PLEKHG1: variants seen among roughly 807,000 people sequenced by gnomAD.
PLEKHG1 encodes the protein pleckstrin homology and RhoGEF domain containing G1, also known as pleckstrin homology domain-containing family G member 1.
Under a neutral mutation model 100.8 loss-of-function variants are expected in PLEKHG1, and 44 were observed. The observed-to-expected ratio is 0.44, with a 90% CI of 0.34 to 0.56. PLEKHG1 has a LOEUF of 0.56. Ranked by LOEUF, PLEKHG1 falls within the 20% of genes least tolerant of loss-of-function variation. The probability of loss-of-function intolerance (pLI) is 0.01; values close to 1 mark genes in which losing one functional copy is unlikely to be tolerated. For missense variants in PLEKHG1, 1,545 were observed against 1,720.9 expected (o/e 0.90, Z 1.81); for synonymous variants, 640 against 662.5 (o/e 0.97, Z 0.52).
At chr6:150,655,394 A>G (rs1778922830) in intron 3 of PLEKHG1, among the ~76,000 whole-genome samples, 1 of 152,168 alleles carries the variant, frequency 6.6e-6, no homozygotes, top group Non-Finnish European at 1.5e-5. Flanking sequence ...AATGCCCATC[A>G]GTGATAGACT....
intron 2 of PLEKHG1, among the ~76,000 whole-genome samples, chr6:150,765,905 GCAAA>G (rs900067913): frequency 3.9e-5 from 6 of 152,160 alleles, no homozygotes; most frequent in African/African-American, 7.2e-5. Flanking sequence ...TAGATCAGCA[GCAAA>G]CAGTTTGCAA....
chr6:150,731,207 G>C (rs1562469080), intron 1 of PLEKHG1, among the ~76,000 whole-genome samples: 1 of 152,174 alleles, frequency 6.6e-6, no homozygotes, highest in Non-Finnish European at 1.5e-5. Context: ...AGTTGGATCA[G>C]GCTTTCTAGG....
At chr6:150,664,395 G>A (rs1398526488) in intron 3 of PLEKHG1, 1 of 152,210 alleles carries the variant, frequency 6.6e-6, no homozygotes, top group Non-Finnish European at 1.5e-5. Context: ...ATGACTATGT[G>A]TAGAAGAAAC....
intron 2 of PLEKHG1, among the ~76,000 whole-genome samples, chr6:150,734,527 A>T (rs1398309215): frequency 6.6e-6 from 1 of 152,186 alleles, no homozygotes; most frequent in Non-Finnish European, 1.5e-5. Flanking sequence ...CTGAGACGTG[A>T]ATCTCATACT....
chr6:150,770,986 C>T (rs1012348977), intron 3 of PLEKHG1, among the ~76,000 whole-genome samples: 3 of 152,154 alleles, frequency 2.0e-5, no homozygotes, highest in Admixed American at 6.5e-5. Context: ...GACTCCAAAC[C>T]CCAGGCATTC....
chr6:150,693,306 CA>C (rs753912876), intron 3 of PLEKHG1, among the ~76,000 whole-genome samples: 3 of 152,020 alleles, frequency 2.0e-5, no homozygotes, highest in Non-Finnish European at 4.4e-5. Flanking sequence ...AACAAACAAA[CA>C]AACAAAAAAC....
At chr6:150,721,486 G>A (rs1395839337) in intron 1 of PLEKHG1, among the ~76,000 whole-genome samples, 1 of 152,200 alleles carries the variant, frequency 6.6e-6, no homozygotes, top group Non-Finnish European at 1.5e-5. Context: ...TCCTTAAAGT[G>A]AGGTTGAAAT....
chr6:150,644,334 G>GGTTTTTTTTTTT (rs1554255840), intron 2 of PLEKHG1, among the ~76,000 whole-genome samples: 61 of 117,612 alleles, frequency 5.2e-4, no homozygotes, highest in South Asian at 8.8e-4. Flanking sequence ...TTCTTTTCGT[G>GGTTTTTTTTTTT]TTTTTTTTTT....
chr6:150,795,495 G>A lies in PLEKHG1; in HGVS notation c.583-361G>A, dbSNP rs566396375. Among the ~76,000 whole-genome samples, 12 of 151,930 alleles carry A rather than the reference G, an allele frequency of 7.9e-5. No homozygotes were observed. The East Asian group carries it at 2.3e-3, about 29-fold the overall frequency. Reference sequence around the variant, plus strand: ...ACTGAAAGCCTTATCAAAAGTTCTGGCCACTTCCCCTCCCTGTCTACATAC... The same window carrying A: ...ACTGAAAGCCTTATCAAAAGTTCTGACCACTTCCCCTCCCTGTCTACATAC... On this transcript the variant is annotated intron_variant, in intron 4 of 15. Coordinates refer to ENST00000358517, the Ensembl canonical transcript of PLEKHG1.
At position 150,640,540 on chromosome 6, in the gene PLEKHG1, A is replaced by G. The variant is rs375323751; in HGVS notation, c.-158+2415A>G. On this transcript the variant is annotated intron_variant, in intron 2 of 3. Coordinates refer to the PLEKHG1 transcript ENST00000367326. ...CAGTATTTTCTACCCCTTCCTCTCT[A>G]AAAGATCTATCTTGTCACCATTTAT... 2.6e-5 allele frequency among the ~76,000 whole-genome samples: 4 copies of G among 152,168 alleles called. 1 individual carries two copies.
chr6:150,724,758 A>G (rs9322281), intron 1 of PLEKHG1, among the ~76,000 whole-genome samples: 90,562 of 151,606 alleles, frequency 0.6, 29,735 homozygotes, highest in Non-Finnish European at 0.75. Context: ...CGGGGGTTTC[A>G]TCATGTTGGC....
chr6:150,674,942 C>G (rs1025804366), intron 3 of PLEKHG1, among the ~76,000 whole-genome samples: 1 of 152,164 alleles, frequency 6.6e-6, no homozygotes, highest in Non-Finnish European at 1.5e-5. Context: ...TTCAGCCTCC[C>G]AGAGTGCTGG....
rs74815962 is a variant in PLEKHG1 at position 150,742,024 on chromosome 6, A to C, written c.411+7932A>C. ...AAAATTGTCCCTGGTTGAAAATGAC[A>C]GCTTTAAATATCTGGAACACATAGT... On this transcript the variant is annotated intron_variant, in intron 2 of 15. Coordinates refer to ENST00000358517, the Ensembl canonical transcript of PLEKHG1. Among the ~76,000 whole-genome samples, 1,095 of 152,370 alleles carry C rather than the reference A, an allele frequency of 7.2e-3. 13 individuals carry two copies. The highest frequency in any genetic ancestry group is 0.025 in the African/African-American group (1,043 of 41,584).
chr6:150,796,497 G>A (rs535681021), intron 5 of PLEKHG1, among the ~76,000 whole-genome samples: 88 of 152,316 alleles, frequency 5.8e-4, no homozygotes, highest in African/African-American at 2.0e-3. Context: ...AACCATTTCA[G>A]TAAGGGAGTT....
chr6:150,788,861 GCACA>G (rs911028398), intron 4 of PLEKHG1, among the ~76,000 whole-genome samples: 3 of 151,986 alleles, frequency 2.0e-5, no homozygotes, highest in African/African-American at 7.3e-5. Flanking sequence ...GAGTGTGTGT[GCACA>G]CACACACGCA....
In PLEKHG1 at chr6:150,809,300, G is replaced by A. The variant is rs367941361; in HGVS notation, c.1095+13G>A. The A allele has an allele frequency of 1.8e-5, 29 of 1,612,270 alleles. No individual in the cohort carries two copies. Among genetic ancestry groups the A allele is most frequent in the African/African-American group, 9.3e-5 (7 of 75,026 alleles). ...AGCTCACATCCTGGTAGGTCTGCACGCTGGCCATGGGCAGGGACTCAGATC... is the reference window on the plus strand; with the variant it reads ...AGCTCACATCCTGGTAGGTCTGCACACTGGCCATGGGCAGGGACTCAGATC... On this transcript the variant is annotated intron_variant, in intron 8 of 15. Coordinates refer to ENST00000358517, the Ensembl canonical transcript of PLEKHG1.
chr6:150,712,786 C>T (rs1044051636), intron 3 of PLEKHG1, among the ~76,000 whole-genome samples: 4 of 152,266 alleles, frequency 2.6e-5, no homozygotes, highest in Middle Eastern at 3.4e-3. Flanking sequence ...AAGATGAGTC[C>T]GACTGGGCTT....
chr6:150,703,526 A>G lies in PLEKHG1; in HGVS notation c.-98-30058A>G, dbSNP rs188031577. Among the ~76,000 whole-genome samples, 29 of 151,926 alleles carry G rather than the reference A, an allele frequency of 1.9e-4. No homozygotes were observed. The East Asian group carries it at 5.6e-3, about 30-fold the overall frequency. Reference sequence around the variant, plus strand: ...TGAGGCAGGAGAATCGCTTGAATCCAGGAAGTGGAGGTTACAGTGAGCCAA... The same window carrying G: ...TGAGGCAGGAGAATCGCTTGAATCCGGGAAGTGGAGGTTACAGTGAGCCAA... On this transcript the variant is annotated intron_variant, in intron 3 of 3. Transcript: ENST00000367326.
At chr6:150,804,494 T>C in intron 6 of PLEKHG1, 116 bp from the exon 8 acceptor site, 1 of 867,792 alleles carries the variant, frequency 1.2e-6, no homozygotes, top group Non-Finnish European at 1.7e-6. Flanking sequence ...TGATAGTGTG[T>C]AAATAAATAA....
Sources: allele counts gnomAD v4.1 joint callset (sites outside exome capture counted in the v4.1 genomes callset), GRCh38; gene constraint gnomAD v4.1.1; transcripts MANE v1.5; gene names NCBI Gene and HGNC (gene_info 2026-07-23, HGNC 2026-07-21).